Variants in PCDHGB3 observed in about 807,000 individuals in gnomAD.
The protein encoded by PCDHGB3 is protocadherin gamma subfamily B, 3.
Under a neutral mutation model 59.2 loss-of-function variants are expected in PCDHGB3, and 40 were observed. The ratio of observed to expected loss-of-function variants is 0.68; its 90% CI spans 0.52 to 0.88. The LOEUF (loss-of-function observed/expected upper bound fraction) is 0.88. Among genes scored for constraint, PCDHGB3 ranks in the 40% least tolerant of loss-of-function variants. PCDHGB3 has a pLI of 0.00. For missense variants in PCDHGB3, 1,309 were observed against 1,187.9 expected (o/e 1.10, Z -1.50); for synonymous variants, 581 against 503.6 (o/e 1.15, Z -2.06).
At chr5:141,442,129 G>T in intron 1 of PCDHGB3, 1 of 165,104 alleles carries the variant, frequency 6.1e-6, no homozygotes, top group Non-Finnish European at 1.3e-5. Flanking sequence ...CCGACAGCCT[G>T]CAGGAGACTC....
Position 141,477,468 on chromosome 5 carries a change from A to G in PCDHGB3, c.2416-17339A>G. ...GTGCGTGTTCAAGTGTCCGACATCA[A>G]TGACAACCCTCCACAATCTTCTCAA... is the stretch of plus-strand genomic sequence containing the variant. On this transcript the variant is annotated intron_variant, in intron 1 of 3. Transcript: ENST00000576222. This position sits in a 1 kb window ranked among gnomAD's most constrained non-coding sequence, Gnocchi z 4.9. 6.2e-7 allele frequency: 1 copy of G among 1,614,158 alleles called. No homozygotes were observed. Among genetic ancestry groups the G allele is most frequent in the Non-Finnish European group, 8.5e-7 (1 of 1,180,022 alleles).
intron 1 of PCDHGB3, chr5:141,412,660 T>C (rs1337663720): frequency 6.6e-6 from 1 of 152,262 alleles, no homozygotes; most frequent in African/African-American, 2.4e-5. Flanking sequence ...ACCTAGACAC[T>C]AATATGACCT....
intron 1 of PCDHGB3, chr5:141,408,244 G>A (rs746604555): frequency 6.3e-7 from 1 of 1,585,990 alleles, no homozygotes; most frequent in Non-Finnish European, 8.6e-7. Context: ...CCGGCCCGCG[G>A]CAGGTGCTAT....
chr5:141,408,717 T>C lies in PCDHGB3; in HGVS notation c.2415+35908T>C, dbSNP rs774691298. ...ATAAACTCAATTAAAGATTATAAGA[T>C]AAACTCTAATCCTTATTTTTCATTA... is the stretch of plus-strand genomic sequence containing the variant. On this transcript the variant is annotated intron_variant, in intron 1 of 3. Transcript: ENST00000576222. The C allele has an allele frequency of 1.9e-6, 3 of 1,611,662 alleles. No individual in the cohort carries two copies. In the South Asian group the frequency reaches 3.3e-5, roughly 18 times the overall value.
At chr5:141,418,898 A>G (rs768409383) in intron 1 of PCDHGB3, 2 of 1,614,016 alleles carry the variant, frequency 1.2e-6, no homozygotes, top group South Asian at 2.2e-5. Flanking sequence ...CAGCCCAGAA[A>G]TAATCATCAC....
intron 1 of PCDHGB3, chr5:141,419,506 C>T (rs527369615): frequency 6.2e-7 from 1 of 1,612,352 alleles, no homozygotes; most frequent in Non-Finnish European, 8.5e-7. Context: ...TGAGCCTGCG[C>T]GTGTTGGTGG....
intron 1 of PCDHGB3, chr5:141,403,943 A>T: frequency 6.2e-7 from 1 of 1,613,934 alleles, no homozygotes; most frequent in Non-Finnish European, 8.5e-7. Context: ...GAAAGGGTGG[A>T]CAAAAGTGCT....
chr5:141,490,476 G>A lies in PCDHGB3; in HGVS notation c.2416-4331G>A. 1 of 1,614,208 alleles carries A rather than the reference G, an allele frequency of 6.2e-7. No homozygotes were observed. The highest frequency in any genetic ancestry group is 8.5e-7 in the Non-Finnish European group (1 of 1,180,046). On this transcript the variant is annotated intron_variant, in intron 1 of 3. Transcript: ENST00000576222. The surrounding 1 kb of genome is among the most constrained non-coding windows in gnomAD (Gnocchi z 5.4). ...ACTCGCTGCTAACCAGCCAGCCTTT[G>A]GACCGGGAGGCCACATCCCACTATA...
At chr5:141,458,651 C>T (rs924873907) in intron 1 of PCDHGB3, among the ~76,000 whole-genome samples, 1 of 152,114 alleles carries the variant, frequency 6.6e-6, no homozygotes. Context: ...CTCACTGCAA[C>T]CTCCACCTCT....
intron 1 of PCDHGB3, among the ~76,000 whole-genome samples, chr5:141,481,836 G>A (rs1435746995): frequency 2.7e-5 from 4 of 150,638 alleles, no homozygotes; most frequent in Non-Finnish European, 5.9e-5. Context: ...CAGGAGAATC[G>A]CTTGATGGTG....
At chr5:141,408,473 G>A (rs2095117243) in intron 1 of PCDHGB3, 5 of 1,613,952 alleles carry the variant, frequency 3.1e-6, no homozygotes, top group African/African-American at 1.3e-5. Flanking sequence ...GAACCGAATA[G>A]ACCGTGAGCA....
intron 1 of PCDHGB3, chr5:141,422,289 T>A: frequency 1.3e-6 from 2 of 1,553,678 alleles, no homozygotes; most frequent in Non-Finnish European, 1.7e-6. Context: ...CCTCTTCTAT[T>A]AATTCAATTC....
At chr5:141,437,561 C>G (rs1228292384) in intron 1 of PCDHGB3, among the ~76,000 whole-genome samples, 1 of 152,110 alleles carries the variant, frequency 6.6e-6, no homozygotes, top group Non-Finnish European at 1.5e-5. Context: ...TGACATGTAA[C>G]AGAGTATAGC....
intron 1 of PCDHGB3, among the ~76,000 whole-genome samples, chr5:141,452,072 G>A (rs550370876): frequency 1.3e-5 from 2 of 152,272 alleles, no homozygotes; most frequent in East Asian, 1.9e-4. Flanking sequence ...ACTTTTATTA[G>A]TTGGCATTAT....
intron 1 of PCDHGB3, chr5:141,394,094 A>G (rs759909698): frequency 6.2e-7 from 1 of 1,613,934 alleles, no homozygotes; most frequent in Admixed American, 1.7e-5. Context: ...CCTCAGATCT[A>G]GGAACACCAC....
chr5:141,508,800 C>A (rs973992018), intron 3 of PCDHGB3, among the ~76,000 whole-genome samples: 1 of 152,086 alleles, frequency 6.6e-6, no homozygotes, highest in African/African-American at 2.4e-5. Context: ...CTCTGGAATC[C>A]TGGCTCTTTG....
chr5:141,374,340 C>T, intron 1 of PCDHGB3: 1 of 1,614,016 alleles, frequency 6.2e-7, no homozygotes, highest in Non-Finnish European at 8.5e-7. Context: ...AGCTTGGTCA[C>T]CGCGGGTAGG....
At position 141,370,693 on chromosome 5, in the gene PCDHGB3, C is replaced by G. The variant is rs762773164; in HGVS notation, c.299C>G (p.Ser100Trp). The change falls in exon 1 of 4, where the codon TCG becomes TGG. Residue 100 changes from serine (S) to tryptophan (W), a missense_variant. By Grantham distance (177) the Ser-to-Trp change is radical. Coordinates refer to ENST00000576222, the MANE Select transcript of PCDHGB3 (RefSeq NM_018924.5). ...CGAGAGGAGATTTGTGGCAAGAAGT[C>G]GACGTGTGTTCTGGAATTTGAAATG... The part of the protein sequence containing the change: ...IDREEICGKK[S>W]TCVLEFEMVA... 28 of 1,613,754 alleles carry G rather than the reference C, an allele frequency of 1.7e-5. No individual in the cohort carries two copies. In the East Asian group the frequency reaches 3.8e-4, roughly 22 times the overall value.
rs748189764 is a variant in PCDHGB3 at position 141,404,578 on chromosome 5, T to G, written c.2415+31769T>G. 1.9e-6 allele frequency: 3 copies of G among 1,613,950 alleles called. No homozygotes were observed. The Admixed American group carries it at 5.0e-5, about 27-fold the overall frequency. On this transcript the variant is annotated intron_variant, in intron 1 of 3. Coordinates refer to ENST00000576222, the MANE Select transcript of PCDHGB3 (RefSeq NM_018924.5). ...CAAGTGACAGTGGAAGCCCACCACTTAGCAGCAATGTGTCATTGAGACTGT... is the reference window on the plus strand; with the variant it reads ...CAAGTGACAGTGGAAGCCCACCACTGAGCAGCAATGTGTCATTGAGACTGT...
Sources: gnomAD v4.1 joint callset for allele counts (sites outside exome capture counted in the v4.1 genomes callset) on GRCh38, gnomAD v4.1.1 for gene constraint, Gnocchi (gnomAD v3.1) non-coding constraint, MANE v1.5 for transcripts, NCBI Gene and HGNC (gene_info 2026-07-23, HGNC 2026-07-21) for gene names.